The following DDX6 variants were observed in gnomAD, a reference collection of about 807,000 sequenced individuals.
The protein encoded by DDX6 is DEAD-box helicase 6.
In DDX6, 7 loss-of-function variants were observed where a neutral mutation model predicts 60.6. That is an observed-to-expected ratio of 0.12 (90% CI 0.07 to 0.22). The LOEUF (loss-of-function observed/expected upper bound fraction) is 0.22, where lower values mean the gene tolerates loss of function less well. DDX6 is among the 10% of genes least tolerant of loss of function. DDX6 has a pLI of 1.00. For missense variants in DDX6, 270 were observed against 589.9 expected (o/e 0.46, Z 5.62); for synonymous variants, 207 against 201.0 (o/e 1.03, Z -0.25).
intron 4 of DDX6, among the ~76,000 whole-genome samples, chr11:118,773,022 A>C (rs920008096): frequency 3.9e-5 from 6 of 152,172 alleles, no homozygotes; most frequent in African/African-American, 1.4e-4. Flanking sequence ...GTCATTTCCA[A>C]GTATGTTTCT....
intron 2 of DDX6, among the ~76,000 whole-genome samples, chr11:118,785,284 AAGGT>A (rs1862037154): frequency 6.6e-6 from 1 of 152,184 alleles, no homozygotes; most frequent in Non-Finnish European, 1.5e-5. Context: ...AGGTTAACAA[AAGGT>A]TTCTGAGACT....
intron 5 of DDX6, chr11:118,767,613 T>A (rs1861397497): frequency 6.8e-6 from 1 of 146,610 alleles, no homozygotes; most frequent in Non-Finnish European, 1.5e-5. Context: ...TAACTTCTCA[T>A]GACCTCAGCC....
chr11:118,759,448 A>G (rs1555159694), intron 8 of DDX6: 1 of 153,856 alleles, frequency 6.5e-6, no homozygotes, highest in African/African-American at 2.4e-5. Context: ...TAGGAACAGA[A>G]GTGTTTCAGG....
In DDX6 at chr11:118,754,724, A is replaced by G. The variant is rs782244366; in HGVS notation, c.1440T>C (p.Asp480=). ...VAEYHSEPVE[D]EKP ...ACGTACATGCTTGTTAAGGTTTCTC[A>G]TCTTCTACAGGCTCGCTGTGGTATT... The change falls in exon 13 of 14, where the codon GAT becomes GAC. Residue 480 remains aspartate (D), a synonymous_variant. Coordinates refer to ENST00000534980, the MANE Select transcript of DDX6 (RefSeq NM_004397.6). 6.2e-7 allele frequency: 1 copy of G among 1,607,244 alleles called. No homozygotes were observed. Among genetic ancestry groups the G allele is most frequent in the South Asian group, 1.1e-5 (1 of 89,234 alleles).
chr11:118,784,462 T>A (rs1360685481), intron 2 of DDX6, among the ~76,000 whole-genome samples: 1 of 142,018 alleles, frequency 7.0e-6, no homozygotes, highest in Admixed American at 7.1e-5. Flanking sequence ...ATATGGCAAG[T>A]TTTTTTTTTT....
chr11:118,783,826 T>TAAAAAAAAAAAAA (rs1591925039), intron 2 of DDX6, among the ~76,000 whole-genome samples: 9 of 55,476 alleles, frequency 1.6e-4, no homozygotes, highest in Non-Finnish European at 1.9e-4. Flanking sequence ...AAAAAAAAAT[T>TAAAAAAAAAAAAA]AAAAATAGGC....
intron 1 of DDX6, chr11:118,788,826 T>C (rs1002757804): frequency 1.3e-4 from 20 of 151,374 alleles, no homozygotes; most frequent in Non-Finnish European, 2.9e-5. Context: ...AGTAGCTTGG[T>C]GGGATTACAG....
chr11:118,761,131 ACT>A (rs1481125365), intron 7 of DDX6, among the ~76,000 whole-genome samples: 6 of 151,490 alleles, frequency 4.0e-5, no homozygotes, highest in Admixed American at 2.0e-4. Flanking sequence ...ACAGAGCAAG[ACT>A]CTGTCTCAAA....
chr11:118,756,012 CCCCT>C (rs1162709722), intron 11 of DDX6, among the ~76,000 whole-genome samples: 10 of 41,020 alleles, frequency 2.4e-4, no homozygotes, highest in African/African-American at 6.7e-4. Flanking sequence ...AGATTCCATC[CCCCT>C]CCCCCCCCCC....
At chr11:118,783,251 A>T (rs991363652) in intron 2 of DDX6, among the ~76,000 whole-genome samples, 1 of 152,108 alleles carries the variant, frequency 6.6e-6, no homozygotes, top group Non-Finnish European at 1.5e-5. Flanking sequence ...GAAAAATCAA[A>T]ATCCACTGTT....
chr11:118,760,898 G>C (rs1347820699), intron 7 of DDX6, among the ~76,000 whole-genome samples: 1 of 151,570 alleles, frequency 6.6e-6, no homozygotes, highest in Non-Finnish European at 1.5e-5. Context: ...CCAGCACTTT[G>C]GGAGGACCAG....
chr11:118,765,542 AGGTGG>A (rs1861321769), intron 5 of DDX6, among the ~76,000 whole-genome samples, 187 bp from the exon 6 acceptor site: 1 of 152,200 alleles, frequency 6.6e-6, no homozygotes, highest in African/African-American at 2.4e-5. Context: ...TGGGAGGCCA[AGGTGG>A]GCAGATCACC....
At chr11:118,770,991 C>G (rs191180439) in intron 4 of DDX6, among the ~76,000 whole-genome samples, 4 of 152,168 alleles carry the variant, frequency 2.6e-5, no homozygotes, top group African/African-American at 7.2e-5. Context: ...AAGAAGAAAA[C>G]CTTGGCTTTA....
chr11:118,754,375 C>A (rs1337396447), intron 13 of DDX6, among the ~76,000 whole-genome samples: 1 of 152,108 alleles, frequency 6.6e-6, no homozygotes, highest in Non-Finnish European at 1.5e-5. Context: ...CCACTGCACT[C>A]CAGCCTGGAT....
At chr11:118,782,659 T>TC (rs1555164901) in intron 2 of DDX6, among the ~76,000 whole-genome samples, 3 of 134,182 alleles carry the variant, frequency 2.2e-5, no homozygotes, top group Non-Finnish European at 4.8e-5. Flanking sequence ...TTTTTTTTTT[T>TC]CTGAGATGGA....
chr11:118,786,721 T>C (rs1242420748), intron 1 of DDX6: 1 of 160,218 alleles, frequency 6.2e-6, no homozygotes, highest in African/African-American at 2.4e-5. Flanking sequence ...TATCAAACAT[T>C]TAAAATTGTT....
intron 1 of DDX6, chr11:118,786,799 C>T (rs1327332494): frequency 6.5e-6 from 1 of 152,830 alleles, no homozygotes; most frequent in Non-Finnish European, 1.5e-5. Flanking sequence ...CAATGATAAT[C>T]TCTTCTCTTC....
intron 13 of DDX6, 161 bp downstream of exon 13, chr11:118,754,544 A>C (rs1860897464): frequency 1.7e-6 from 1 of 583,060 alleles, no homozygotes; most frequent in South Asian, 2.8e-5. Flanking sequence ...GAATGAGACT[A>C]CAACCTCCCA....
intron 2 of DDX6, among the ~76,000 whole-genome samples, chr11:118,783,810 C>A (rs76320105): frequency 5.4e-4 from 31 of 56,910 alleles, no homozygotes; most frequent in South Asian, 8.4e-4. Flanking sequence ...GAGTCCATCT[C>A]AAAAAAAAAA....
Sources: allele counts gnomAD v4.1 joint callset (sites outside exome capture counted in the v4.1 genomes callset), GRCh38; gene constraint gnomAD v4.1.1; transcripts MANE v1.5; gene names NCBI Gene and HGNC (gene_info 2026-07-23, HGNC 2026-07-21).